AKR1C2: variants seen among roughly 807,000 people sequenced by gnomAD.
The protein encoded by AKR1C2 is aldo-keto reductase family 1 member C2.
AKR1C2 carries 27 observed loss-of-function variants against 39.8 expected under a neutral mutation model. The observed-to-expected ratio is 0.68, with a 90% CI of 0.50 to 0.93. AKR1C2 has a LOEUF of 0.93. Ranked by LOEUF, AKR1C2 falls within the 40% of genes least tolerant of loss-of-function variation. The probability of loss-of-function intolerance (pLI) is 0.00; values close to 1 mark genes in which losing one functional copy is unlikely to be tolerated. For missense variants in AKR1C2, 263 were observed against 365.1 expected, an observed-to-expected ratio of 0.72 and a Z score of 2.28; for synonymous variants, 114 against 137.9, an observed-to-expected ratio of 0.83 and a Z score of 1.22.
chr10:4,992,719 C>T (rs1836882657), intron 7 of AKR1C2, among the ~76,000 whole-genome samples: 2 of 149,428 alleles, frequency 1.3e-5, no homozygotes, highest in Admixed American at 6.6e-5. Flanking sequence ...GGGAGGCCAG[C>T]GCAGGAGGAT....
Position 5,000,593 on chromosome 10 carries a change from T to A in AKR1C2, c.326A>T (p.Asp109Val). 6.2e-7 allele frequency: 1 copy of A among 1,614,012 alleles called. No homozygotes were observed. The highest frequency in any genetic ancestry group is 8.5e-7 in the Non-Finnish European group (1 of 1,179,920). The change falls in exon 3 of 9, where the codon GAC becomes GTC. Residue 109 changes from aspartate to valine, a missense_variant. Physicochemically the swap from Asp to Val is radical, Grantham distance 152 (BLOSUM62 -3). Coordinates refer to ENST00000380753, the MANE Select transcript of AKR1C2 (RefSeq NM_001393392.1). Reference protein sequence around the residue: ...LERSLKNLQLDYVDLYLIHFP... With the variant: ...LERSLKNLQLVYVDLYLIHFP... Reference sequence around the variant, plus strand: ...ATGAATAAGATAGAGGTCAACATAGTCCAATTGAAGATTTTTCAGTGACCT... The same window carrying A: ...ATGAATAAGATAGAGGTCAACATAGACCAATTGAAGATTTTTCAGTGACCT...
At chr10:4,997,586 A>C (rs1837103082) in intron 5 of AKR1C2, among the ~76,000 whole-genome samples, 1 of 152,026 alleles carries the variant, frequency 6.6e-6, no homozygotes, top group African/African-American at 2.4e-5. Context: ...GTAATTTTGA[A>C]TATAAATGGT....
At chr10:4,997,021 T>G (rs1386571011) in intron 5 of AKR1C2, among the ~76,000 whole-genome samples, 1 of 152,128 alleles carries the variant, frequency 6.6e-6, no homozygotes, top group Non-Finnish European at 1.5e-5. Flanking sequence ...AGATTACTAG[T>G]AATTGTTAAA....
At chr10:4,999,351 T>A in intron 3 of AKR1C2, 74 bp from the exon 4 acceptor site, 1 of 1,598,772 alleles carries the variant, frequency 6.3e-7, no homozygotes, top group Non-Finnish European at 8.5e-7. Context: ...TGAGGTACAT[T>A]TAAGGACACT....
chr10:5,003,233 T>C (rs1554774039), intron 1 of AKR1C2, among the ~76,000 whole-genome samples: 1 of 149,210 alleles, frequency 6.7e-6, no homozygotes, highest in Non-Finnish European at 1.5e-5. Context: ...AAAATGAGGA[T>C]ATTTTATTAT....
chr10:4,999,188 C>A lies in AKR1C2; in HGVS notation c.447+12G>T, dbSNP rs782025915. On this transcript the variant is annotated intron_variant, in intron 4 of 8. Coordinates refer to ENST00000380753, the MANE Select transcript of AKR1C2 (RefSeq NM_001393392.1). The stretch of plus-strand genomic sequence containing the variant: ...ATCTTTCTTATCCGTTCTCTCACCT[C>A]CAAACACTCACCTCCCATGTGGCAC... The A allele has an allele frequency of 6.2e-7, 1 of 1,603,100 alleles. No homozygotes were observed. The highest frequency in any genetic ancestry group is 8.5e-7 in the Non-Finnish European group (1 of 1,172,760).
chr10:4,989,853 G>A lies in AKR1C2; in HGVS notation c.*143C>T. 2 of 1,211,378 alleles carry A rather than the reference G, an allele frequency of 1.7e-6. No homozygotes were observed. Among genetic ancestry groups the A allele is most frequent in the Middle Eastern group, 2.1e-4 (1 of 4,734 alleles). The allele number at this position is 1,211,378 out of a possible 1,614,324, so 75.0% of individuals were successfully genotyped here. ...TTATTGTCTTTCTTTTCCGGCCGAT[G>A]GGCTTAGCTGTAGCTTACTGAAGTC... On this transcript the variant is annotated 3_prime_UTR_variant, in exon 9 of 9. Transcript: ENST00000380753.
intron 7 of AKR1C2, among the ~76,000 whole-genome samples, chr10:4,994,892 CA>C (rs202188847): frequency 3.1e-5 from 4 of 127,070 alleles, no homozygotes; most frequent in South Asian, 2.7e-4. Context: ...ACCACCTCGC[CA>C]AAAAAAAAGG....
At chr10:4,991,648 G>C (rs1836849983) in intron 8 of AKR1C2, among the ~76,000 whole-genome samples, 183 bp downstream of exon 8, 3 of 146,144 alleles carry the variant, frequency 2.1e-5, no homozygotes, top group Non-Finnish European at 3.0e-5. Context: ...CTGACCCCAG[G>C]CCACTCTCCC....
At chr10:4,992,591 T>G (rs143354375) in intron 7 of AKR1C2, among the ~76,000 whole-genome samples, 3,774 of 152,344 alleles carry the variant, frequency 0.025, 73 homozygotes, top group South Asian at 0.073. Context: ...TGCATTATTC[T>G]TTTAATATTT....
intron 8 of AKR1C2, among the ~76,000 whole-genome samples, chr10:4,990,817 C>G (rs1554772107): frequency 2.0e-5 from 3 of 151,626 alleles, no homozygotes; most frequent in Admixed American, 1.3e-4. Flanking sequence ...TCATAAAAAA[C>G]ATTAATCAGT....
At chr10:5,000,290 G>A in intron 3 of AKR1C2, 1 of 1,480,200 alleles carries the variant, frequency 6.8e-7, no homozygotes, top group Non-Finnish European at 8.9e-7. Context: ...TCAAGGAGAT[G>A]ATTGTCATTT....
chr10:5,008,647 G>T (rs1222240085), upstream of AKR1C2, among the ~76,000 whole-genome samples: 1 of 152,246 alleles, frequency 6.6e-6, no homozygotes, highest in East Asian at 1.9e-4. Flanking sequence ...GATGGGAAGA[G>T]GGAGGAAAGC....
At chr10:4,997,548 A>G (rs1837101256) in intron 5 of AKR1C2, among the ~76,000 whole-genome samples, 2 of 152,040 alleles carry the variant, frequency 1.3e-5, no homozygotes, top group Non-Finnish European at 2.9e-5. Context: ...TTATGCAGAT[A>G]TACTCCATAT....
chr10:5,000,252 C>G, intron 3 of AKR1C2: 1 of 1,452,022 alleles, frequency 6.9e-7, no homozygotes, highest in Non-Finnish European at 9.0e-7. Flanking sequence ...GAGGTGAAAT[C>G]AGGAATCATA....
At chr10:5,016,132 C>T in intron 1 of AKR1C2, among the ~76,000 whole-genome samples, 1 of 152,164 alleles carries the variant, frequency 6.6e-6, no homozygotes, top group Admixed American at 6.5e-5. Flanking sequence ...CAGAGCCAAA[C>T]CATATCACTC....
chr10:5,012,529 T>A (rs1384656919), intron 1 of AKR1C2, among the ~76,000 whole-genome samples: 3 of 150,266 alleles, frequency 2.0e-5, no homozygotes, highest in African/African-American at 7.5e-5. Flanking sequence ...TAAGATGCCA[T>A]GCAGTTGGCT....
intron 8 of AKR1C2, among the ~76,000 whole-genome samples, chr10:4,991,596 G>T (rs1456436003): frequency 3.3e-5 from 5 of 151,720 alleles, no homozygotes; most frequent in African/African-American, 7.3e-5. Flanking sequence ...GCTCTGGAAA[G>T]TTCCTTGGAG....
upstream of AKR1C2, chr10:5,006,697 T>C (rs1158253184): frequency 6.6e-6 from 1 of 152,050 alleles, no homozygotes; most frequent in Non-Finnish European, 1.5e-5. Context: ...TGAGAGTCTT[T>C]GGAGGATATA....
Sources: allele counts gnomAD v4.1 joint callset (sites outside exome capture counted in the v4.1 genomes callset), GRCh38; gene constraint gnomAD v4.1.1; transcripts MANE v1.5; gene names NCBI Gene and HGNC (gene_info 2026-07-23, HGNC 2026-07-21).